The following SPRR1B variants were observed in gnomAD, a reference collection of about 807,000 sequenced individuals.
The protein encoded by SPRR1B is cornifin-B.
SPRR1B carries 1 observed loss-of-function variant against 1.2 expected under a neutral mutation model. The observed-to-expected ratio is 0.82, with a 90% CI of 0.29 to 3.89. The LOEUF (loss-of-function observed/expected upper bound fraction) is 3.89. SPRR1B is among the 30% of genes most tolerant of loss of function. The probability of loss-of-function intolerance (pLI) is 0.18; values close to 1 mark genes in which losing one functional copy is unlikely to be tolerated. For synonymous variants in SPRR1B, 37 were observed against 38.3 expected (o/e 0.97, Z 0.13); for missense variants, 102 against 106.0 (o/e 0.96, Z 0.17).
At chr1:153,031,694 C>A (rs1653712781) in intron 1 of SPRR1B, among the ~76,000 whole-genome samples, 1 of 152,130 alleles carries the variant, frequency 6.6e-6, no homozygotes, top group Non-Finnish European at 1.5e-5. Flanking sequence ...ATCTATGATA[C>A]TACAATTTAA....
In SPRR1B at chr1:153,032,874, C is replaced by G; in HGVS notation, c.*259C>G. 1 of 597,786 alleles carries G rather than the reference C, an allele frequency of 1.7e-6. No individual in the cohort carries two copies. The highest frequency in any genetic ancestry group is 2.8e-6 in the Non-Finnish European group (1 of 350,894). The allele number at this position is 597,786 out of a possible 1,614,324, so 37.0% of individuals were successfully genotyped here. On this transcript the variant is annotated 3_prime_UTR_variant, in exon 2 of 2. Coordinates refer to ENST00000307098, the MANE Select transcript of SPRR1B (RefSeq NM_003125.3). The stretch of plus-strand genomic sequence containing the variant: ...AAGCAAATGATTCAGCTCCCTTATA[C>G]CCCCATTAAATTCACTTTCAATTCC...
In SPRR1B at chr1:153,032,683, A is replaced by T; in HGVS notation, c.*68A>T. ...CTGAATCCCCTATCCCATTCTGCGT[A>T]TGAGTCCCATTTGCCTTGCAATTAG... On this transcript the variant is annotated 3_prime_UTR_variant, in exon 2 of 2. Coordinates refer to ENST00000307098, the MANE Select transcript of SPRR1B (RefSeq NM_003125.3). The T allele has an allele frequency of 6.4e-7, 1 of 1,553,794 alleles. No homozygotes were observed.
intron 1 of SPRR1B, 43 bp from the exon 2 acceptor site, chr1:153,032,284 C>T: frequency 6.4e-7 from 1 of 1,563,386 alleles, no homozygotes; most frequent in East Asian, 2.3e-5. Flanking sequence ...ACCATGGCTT[C>T]TTCCCTATTA....
In SPRR1B at chr1:153,032,677, C is replaced by G. The variant is rs183580920; in HGVS notation, c.*62C>G. 1.7e-5 allele frequency: 26 copies of G among 1,570,736 alleles called. No individual in the cohort carries two copies. Among genetic ancestry groups the G allele is most frequent in the Non-Finnish European group, 2.2e-5 (26 of 1,158,906 alleles). On this transcript the variant is annotated 3_prime_UTR_variant, in exon 2 of 2. Transcript: ENST00000307098. The stretch of plus-strand genomic sequence containing the variant: ...CAGATGCTGAATCCCCTATCCCATT[C>G]TGCGTATGAGTCCCATTTGCCTTGC...
At chr1:153,032,170 T>A (rs1248944340) in intron 1 of SPRR1B, among the ~76,000 whole-genome samples, 157 bp from the exon 2 acceptor site, 1 of 152,164 alleles carries the variant, frequency 6.6e-6, no homozygotes, top group Admixed American at 6.5e-5. Flanking sequence ...GAGCAAATCA[T>A]CTTTAGGTTC....
rs1653729986 is a variant in SPRR1B at position 153,032,285 on chromosome 1, T to G, written c.-19-42T>G. On this transcript the variant is annotated intron_variant, in intron 1 of 1. Transcript: ENST00000307098. ...CAGAAGTGGTATTCACCATGGCTTC[T>G]TCCCTATTATTCTCTGCTTAAATCA... 20 of 1,564,224 alleles carry G rather than the reference T, an allele frequency of 1.3e-5. No individual in the cohort carries two copies. In the East Asian group the frequency reaches 4.5e-4, roughly 35 times the overall value.
At position 153,032,784 on chromosome 1, in the gene SPRR1B, A is replaced by C; in HGVS notation, c.*169A>C. The C allele has an allele frequency of 7.9e-7, 1 of 1,266,222 alleles. No homozygotes were observed. Among genetic ancestry groups the C allele is most frequent in the Non-Finnish European group, 1.1e-6 (1 of 932,094 alleles). 78.4% of individuals were successfully genotyped at this position (1,266,222 alleles called of 1,614,324 possible). A position where few individuals can be genotyped will look rare whatever the true frequency, so the allele number is the denominator to read the frequency against. ...CACTCTGAGTCTCTGAATGAAGCTG[A>C]AGGTCTTAGTACCAGAGCTAGTTTT... On this transcript the variant is annotated 3_prime_UTR_variant, in exon 2 of 2. Coordinates refer to ENST00000307098, the MANE Select transcript of SPRR1B (RefSeq NM_003125.3).
rs1653743560 is a variant in SPRR1B, at chr1:153,032,555, T to C, written c.210T>C (p.Pro70=). 2 of 1,612,692 alleles carry C rather than the reference T, an allele frequency of 1.2e-6. No individual in the cohort carries two copies. The highest frequency in any genetic ancestry group is 1.1e-5 in the South Asian group (1 of 91,022). ...KVPEPCHPKV[P]EPCPSIVTPA... is the part of the protein sequence containing the mutation. ...CAGAGCCATGCCACCCCAAGGTGCC[T>C]GAGCCCTGCCCTTCAATAGTCACTC... The change falls in exon 2 of 2, where the codon CCT becomes CCC. Residue 70 remains proline (P), a synonymous_variant. Coordinates refer to ENST00000307098, the MANE Select transcript of SPRR1B (RefSeq NM_003125.3).
chr1:153,032,852 C>T lies in SPRR1B; in HGVS notation c.*237C>T, dbSNP rs1173087276. ...TCTGAAGAGAGACTTAAGATGAAAG[C>T]AAATGATTCAGCTCCCTTATACCCC... On this transcript the variant is annotated 3_prime_UTR_variant, in exon 2 of 2. Coordinates refer to ENST00000307098, the MANE Select transcript of SPRR1B (RefSeq NM_003125.3). 5 of 719,696 alleles carry T rather than the reference C, an allele frequency of 6.9e-6. No homozygotes were observed. The highest frequency in any genetic ancestry group is 1.1e-5 in the Non-Finnish European group (5 of 447,716). 44.6% of individuals were successfully genotyped at this position (719,696 alleles called of 1,614,324 possible).
Position 153,032,665 on chromosome 1 carries a change from C to T in SPRR1B, c.*50C>T. On this transcript the variant is annotated 3_prime_UTR_variant, in exon 2 of 2. Coordinates refer to ENST00000307098, the MANE Select transcript of SPRR1B (RefSeq NM_003125.3). ...GGAGCCGGCCACCAGATGCTGAATC[C>T]CCTATCCCATTCTGCGTATGAGTCC... 6.3e-7 allele frequency: 1 copy of T among 1,591,304 alleles called. No homozygotes were observed. The highest frequency in any genetic ancestry group is 8.6e-7 in the Non-Finnish European group (1 of 1,168,052).
chr1:153,032,663 TC>T lies in SPRR1B; in HGVS notation c.*52del. ...GAGGAGCCGGCCACCAGATGCTGAA[TC>T]CCCTATCCCATTCTGCGTATGAGTC... On this transcript the variant is annotated 3_prime_UTR_variant, in exon 2 of 2. Coordinates refer to ENST00000307098, the MANE Select transcript of SPRR1B (RefSeq NM_003125.3). 1 of 1,591,160 alleles carries T rather than the reference TC, an allele frequency of 6.3e-7. No individual in the cohort carries two copies. Among genetic ancestry groups the T allele is most frequent in the Non-Finnish European group, 8.6e-7 (1 of 1,167,884 alleles).
chr1:153,032,209 T>G (rs981823403), intron 1 of SPRR1B, 118 bp from the exon 2 acceptor site: 9 of 1,280,966 alleles, frequency 7.0e-6, no homozygotes, highest in African/African-American at 1.5e-5. Flanking sequence ...GAAATTAAAT[T>G]AAGTATTCTT....
Position 153,032,720 on chromosome 1 carries a change from C to T in SPRR1B, c.*105C>T. 6.6e-7 allele frequency: 1 copy of T among 1,507,594 alleles called. No homozygotes were observed. Among genetic ancestry groups the T allele is most frequent in the Non-Finnish European group, 8.9e-7 (1 of 1,126,696 alleles). 93.4% of individuals were successfully genotyped at this position (1,507,594 alleles called of 1,614,324 possible). A position where few individuals can be genotyped will look rare whatever the true frequency, so the allele number is the denominator to read the frequency against. On this transcript the variant is annotated 3_prime_UTR_variant, in exon 2 of 2. Transcript: ENST00000307098. ...TGCCTTGCAATTAGCATTCTGTCTC[C>T]CCCAAAAAAGAATGTGCTATGAAGC...
rs2101591089 is a variant in SPRR1B at position 153,032,739 on chromosome 1, A to G, written c.*124A>G. ...TGTCTCCCCCAAAAAAGAATGTGCT[A>G]TGAAGCTTTCTTTCCTACACACTCT... On this transcript the variant is annotated 3_prime_UTR_variant, in exon 2 of 2. Transcript: ENST00000307098. The G allele has an allele frequency of 6.8e-7, 1 of 1,469,926 alleles. No individual in the cohort carries two copies. The highest frequency in any genetic ancestry group is 9.1e-7 in the Non-Finnish European group (1 of 1,103,152). The allele number at this position is 1,469,926 out of a possible 1,614,324, so 91.1% of individuals were successfully genotyped here. A position where few individuals can be genotyped will look rare whatever the true frequency, so the allele number is the denominator to read the frequency against.
chr1:153,031,708 G>A (rs1394570780), intron 1 of SPRR1B, among the ~76,000 whole-genome samples: 1 of 152,194 alleles, frequency 6.6e-6, no homozygotes, highest in Non-Finnish European at 1.5e-5. Context: ...AATTTAATCA[G>A]GAAATAAGAG....
Position 153,032,715 on chromosome 1 carries a change from GTCTCCCCC to G in SPRR1B, c.*101_*108del. 1 of 1,515,428 alleles carries G rather than the reference GTCTCCCCC, an allele frequency of 6.6e-7. No individual in the cohort carries two copies. Among genetic ancestry groups the G allele is most frequent in the African/African-American group, 1.4e-5 (1 of 71,830 alleles). The allele number at this position is 1,515,428 out of a possible 1,614,324, so 93.9% of individuals were successfully genotyped here. A position where few individuals can be genotyped will look rare whatever the true frequency, so the allele number is the denominator to read the frequency against. ...CCATTTGCCTTGCAATTAGCATTCTGTCTCCCCCAAAAAAGAATGTGCTATGAAGCTTT... is the reference window on the plus strand; with the variant it reads ...CCATTTGCCTTGCAATTAGCATTCTGAAAAAAGAATGTGCTATGAAGCTTT... On this transcript the variant is annotated 3_prime_UTR_variant, in exon 2 of 2. Transcript: ENST00000307098.
chr1:153,032,188 T>C, intron 1 of SPRR1B, 139 bp from the exon 2 acceptor site: 1 of 1,172,500 alleles, frequency 8.5e-7, no homozygotes, highest in Middle Eastern at 2.7e-4. Flanking sequence ...TTCCTCTTCT[T>C]CAAAGGCTCA....
chr1:153,032,296 T>G, intron 1 of SPRR1B, 31 bp from the exon 2 acceptor site: 1 of 1,583,656 alleles, frequency 6.3e-7, no homozygotes, highest in Non-Finnish European at 8.6e-7. Flanking sequence ...TCCCTATTAT[T>G]CTCTGCTTAA....
chr1:153,032,192 A>T, intron 1 of SPRR1B, 135 bp from the exon 2 acceptor site: 1 of 1,188,434 alleles, frequency 8.4e-7, no homozygotes, highest in South Asian at 1.6e-5. Flanking sequence ...TCTTCTTCAA[A>T]GGCTCAGAAA....
Sources: allele counts gnomAD v4.1 joint callset (sites outside exome capture counted in the v4.1 genomes callset), GRCh38; gene constraint gnomAD v4.1.1; transcripts MANE v1.5; gene names NCBI Gene and HGNC (gene_info 2026-07-23, HGNC 2026-07-21).